The following RCC1 variants were observed in gnomAD, a reference collection of about 807,000 sequenced individuals.
The protein encoded by RCC1 is regulator of chromosome condensation 1.
Under a neutral mutation model 44.4 loss-of-function variants are expected in RCC1, and 11 were observed. That is an observed-to-expected ratio of 0.25 (90% CI 0.16 to 0.41). RCC1 has a LOEUF of 0.41. Ranked by LOEUF, RCC1 falls within the 10% of genes least tolerant of loss-of-function variation. The probability of loss-of-function intolerance (pLI) is 1.00; values close to 1 mark genes in which losing one functional copy is unlikely to be tolerated. For missense variants in RCC1, 386 were observed against 547.1 expected, an observed-to-expected ratio of 0.71 and a Z score of 2.94; for synonymous variants, 213 against 216.5, an observed-to-expected ratio of 0.98 and a Z score of 0.14.
chr1:28,537,662 C>T (rs1317673836), intron 12 of RCC1, among the ~76,000 whole-genome samples, 170 bp from the exon 13 acceptor site: 2 of 152,140 alleles, frequency 1.3e-5, no homozygotes, highest in Non-Finnish European at 2.9e-5. Context: ...TCTTTTTTAT[C>T]CATCATCTCC....
At chr1:28,516,199 A>G (rs1430696848) in intron 3 of RCC1, among the ~76,000 whole-genome samples, 3 of 150,520 alleles carry the variant, frequency 2.0e-5, no homozygotes. Flanking sequence ...CAACATGGAG[A>G]AACCCCATCT....
Position 28,536,367 on chromosome 1 carries a change from G to T in RCC1, c.923G>T (p.Cys308Phe), listed in dbSNP as rs774321708. 6.2e-7 allele frequency: 1 copy of T among 1,613,714 alleles called. No individual in the cohort carries two copies. The highest frequency in any genetic ancestry group is 8.5e-7 in the Non-Finnish European group (1 of 1,179,956). Reference protein sequence around the residue: ...GFSGGQHHTVCMDSEGKAYSL... With the variant: ...GFSGGQHHTVFMDSEGKAYSL... ...TCTGGTGGCCAGCACCATACAGTCT[G>T]CATGGATTCGGAAGGTAGGGCCTTT... Residue 308 changes from cysteine to phenylalanine, a missense_variant, in exon 11 of 13, where the codon TGC (cysteine) becomes TTC (phenylalanine). By Grantham distance (205) the Cys-to-Phe change is radical. Coordinates refer to ENST00000683442, the MANE Select transcript of RCC1 (RefSeq NM_001381865.2). This position sits in a 1 kb window ranked among gnomAD's most constrained non-coding sequence, Gnocchi z 4.9.
At chr1:28,534,623 G>A in intron 7 of RCC1, among the ~76,000 whole-genome samples, 1 of 152,174 alleles carries the variant, frequency 6.6e-6, no homozygotes, top group East Asian at 1.9e-4. Flanking sequence ...TGGTACTAGA[G>A]GCTTGTGCCA....
rs548282086 is a variant in RCC1 at position 28,532,403 on chromosome 1, C to T, written c.441+53C>T. On this transcript the variant is annotated intron_variant, in intron 7 of 12. Transcript: ENST00000683442. ...GTCCCTGAAAGACAGAATTAATTGG[C>T]GGGGCCCCAAAGATAATCCACTTCC... The T allele has an allele frequency of 1.8e-4, 281 of 1,590,904 alleles. 2 individuals carry two copies. Among genetic ancestry groups the T allele is most frequent in the Middle Eastern group, 1.7e-3 (10 of 5,946 alleles).
chr1:28,517,013 T>C, intron 4 of RCC1, 146 bp downstream of exon 4: 1 of 383,282 alleles, frequency 2.6e-6, no homozygotes, highest in Admixed American at 3.1e-5. Context: ...CCCAGCTATT[T>C]GGGAGGCTGA....
chr1:28,520,173 T>G (rs1485815329), intron 4 of RCC1, among the ~76,000 whole-genome samples: 1 of 152,174 alleles, frequency 6.6e-6, no homozygotes, highest in Admixed American at 6.5e-5. Context: ...ACCAAATGTA[T>G]ATTGTTGACA....
chr1:28,529,780 A>G, intron 4 of RCC1, 78 bp from the exon 5 acceptor site: 2 of 1,082,774 alleles, frequency 1.8e-6, no homozygotes, highest in Non-Finnish European at 2.8e-6. Context: ...GTATTTCTAG[A>G]GTGTTTGATA....
chr1:28,521,490 A>C (rs1195953004), intron 4 of RCC1, among the ~76,000 whole-genome samples: 6 of 131,840 alleles, frequency 4.6e-5, no homozygotes, highest in African/African-American at 9.2e-5. Flanking sequence ...ACAGAGCGAG[A>C]CTCCACCTCA....
intron 1 of RCC1, chr1:28,506,771 G>C (rs945255270): frequency 6.5e-6 from 1 of 152,716 alleles, no homozygotes; most frequent in East Asian, 2.0e-4. Flanking sequence ...TTATTTGATC[G>C]CACCACTGCA....
chr1:28,513,732 G>C (rs868478914), intron 3 of RCC1, among the ~76,000 whole-genome samples: 7 of 152,044 alleles, frequency 4.6e-5, no homozygotes, highest in Non-Finnish European at 7.3e-5. Flanking sequence ...CCACAGGCAT[G>C]TGCCACTATG....
At position 28,534,201 on chromosome 1, in the gene RCC1, G is replaced by A. The variant is rs532763872; in HGVS notation, c.442-849G>A. 2.1e-4 allele frequency among the ~76,000 whole-genome samples: 32 copies of A among 151,818 alleles called. No individual in the cohort carries two copies. In the South Asian group the frequency reaches 6.4e-3, roughly 31 times the overall value. On this transcript the variant is annotated intron_variant, in intron 7 of 12. Transcript: ENST00000683442. ...CTCTTTTCTTTTTTCTTTGTTTTGAGACGGAGTCTCGCTTTGTCGCCCAGG... is the reference window on the plus strand; with the variant it reads ...CTCTTTTCTTTTTTCTTTGTTTTGAAACGGAGTCTCGCTTTGTCGCCCAGG...
rs146363349 is a variant in RCC1, at chr1:28,538,219, A to G, written c.*212A>G. ...ACCTACAGAATAAAGGGGGGGATGG[A>G]CAGGGGGTTTTCAAAAGGAACATGG... is the stretch of plus-strand genomic sequence containing the variant. On this transcript the variant is annotated 3_prime_UTR_variant, in exon 13 of 13. Transcript: ENST00000683442. 1.5e-3 allele frequency: 719 copies of G among 472,946 alleles called. 10 individuals carry two copies. The Admixed American group carries it at 0.017, about 11-fold the overall frequency. The allele number at this position is 472,946 out of a possible 1,614,324, so 29.3% of individuals were successfully genotyped here. A position where few individuals can be genotyped will look rare whatever the true frequency, so the allele number is the denominator to read the frequency against.
intron 4 of RCC1, among the ~76,000 whole-genome samples, chr1:28,529,469 C>A (rs986815631): frequency 2.6e-5 from 4 of 152,050 alleles, no homozygotes; most frequent in African/African-American, 9.7e-5. Flanking sequence ...CAGATGTGAG[C>A]CACCACACCT....
intron 7 of RCC1, among the ~76,000 whole-genome samples, chr1:28,533,417 G>A (rs1452833467): frequency 6.7e-6 from 1 of 149,980 alleles, no homozygotes. Context: ...CTTGCAGTGA[G>A]CCAAGATCGC....
chr1:28,532,776 G>GAAA (rs1424184063), intron 7 of RCC1: 4 of 451,660 alleles, frequency 8.9e-6, no homozygotes, highest in South Asian at 6.3e-5. Context: ...GAGTGTAGTT[G>GAAA]AAAAAACAGA....
Position 28,538,619 on chromosome 1 carries a change from G to A in RCC1, c.*612G>A, listed in dbSNP as rs1261991099. On this transcript the variant is annotated 3_prime_UTR_variant, in exon 13 of 13. Coordinates refer to ENST00000683442, the MANE Select transcript of RCC1 (RefSeq NM_001381865.2). ...GACCAAGAAAAAAGTGATTCTCCCA[G>A]AAGCACAAAGCATACTCTTGCCCCT... 6.6e-6 allele frequency: 1 copy of A among 152,286 alleles called. No individual in the cohort carries two copies. The highest frequency in any genetic ancestry group is 2.4e-5 in the African/African-American group (1 of 41,450). The allele number at this position is 152,286 out of a possible 1,614,324, so 9.4% of individuals were successfully genotyped here.
At chr1:28,507,548 A>T (rs762281751) in intron 1 of RCC1, 7 of 516,186 alleles carry the variant, frequency 1.4e-5, no homozygotes, top group South Asian at 9.8e-5. Flanking sequence ...ATTACTGGGG[A>T]GACAAACCAT....
intron 4 of RCC1, among the ~76,000 whole-genome samples, chr1:28,528,844 CTTT>C (rs59005617): frequency 2.3e-5 from 2 of 87,198 alleles, no homozygotes; most frequent in Non-Finnish European, 4.3e-5. Context: ...GTTTTTCTTC[CTTT>C]TTTTTTTTTT....
At chr1:28,511,205 C>G (rs74064871) in intron 3 of RCC1, among the ~76,000 whole-genome samples, 2 of 152,090 alleles carry the variant, frequency 1.3e-5, no homozygotes, top group African/African-American at 2.4e-5. Context: ...AGTTACTCAG[C>G]CCCTCTGCCT....
Sources: allele counts gnomAD v4.1 joint callset (sites outside exome capture counted in the v4.1 genomes callset), GRCh38; gene constraint gnomAD v4.1.1; non-coding constraint Gnocchi (gnomAD v3.1); transcripts MANE v1.5; gene names NCBI Gene and HGNC (gene_info 2026-07-23, HGNC 2026-07-21).